TMEM266: variants seen among roughly 807,000 people sequenced by gnomAD.
TMEM266 encodes Hv1 related protein 1.
A neutral mutation model predicts 50.5 loss-of-function variants in TMEM266; 33 were observed. The ratio of observed to expected loss-of-function variants is 0.65; its 90% CI spans 0.50 to 0.87. The LOEUF is 0.87. Ranked by LOEUF, TMEM266 falls within the 40% of genes least tolerant of loss-of-function variation. TMEM266 has a pLI of 0.00. For synonymous variants in TMEM266, 310 were observed against 292.3 expected (o/e 1.06, Z -0.62); for missense variants, 655 against 695.1 (o/e 0.94, Z 0.65).
rs1405727907 is a variant in TMEM266, at chr15:76,153,969, TC to T, written c.228-2632del. On this transcript the variant is annotated intron_variant, in intron 3 of 10. Transcript: ENST00000388942. The surrounding 1 kb of genome is among the most constrained non-coding windows in gnomAD (Gnocchi z 4.2). ...TGAGCACCTGGCTTCCCTGGCCAGG[TC>T]CCTCCCTCCTGCCCCTTCGGGACAG... 6.6e-6 allele frequency among the ~76,000 whole-genome samples: 1 copy of T among 152,144 alleles called. No individual in the cohort carries two copies. Among genetic ancestry groups the T allele is most frequent in the African/African-American group, 2.4e-5 (1 of 41,426 alleles).
At chr15:76,125,290 T>G (rs2037403728) in intron 1 of TMEM266, among the ~76,000 whole-genome samples, 1 of 152,016 alleles carries the variant, frequency 6.6e-6, no homozygotes, top group African/African-American at 2.4e-5. Flanking sequence ...CAAGCAGGAA[T>G]GACGTCAAAT....
intron 10 of TMEM266, 143 bp from the exon 11 acceptor site, chr15:76,203,598 A>G (rs1272333165): frequency 4.1e-6 from 3 of 733,308 alleles, no homozygotes; most frequent in Non-Finnish European, 6.9e-6. Flanking sequence ...AGGGAGTTCT[A>G]CCAAGGCCTC....
chr15:76,151,121 C>T (rs975629788), intron 3 of TMEM266, among the ~76,000 whole-genome samples: 1 of 152,188 alleles, frequency 6.6e-6, no homozygotes, highest in African/African-American at 2.4e-5. Flanking sequence ...CATTGGGAAA[C>T]GCCTGCCCTC....
rs201055855 is a variant in TMEM266, at chr15:76,171,146, G to T, written c.652+15G>T. The T allele has an allele frequency of 2.5e-6, 4 of 1,612,724 alleles. No individual in the cohort carries two copies. Among genetic ancestry groups the T allele is most frequent in the Admixed American group, 3.3e-5 (2 of 59,906 alleles). On this transcript the variant is annotated intron_variant, in intron 7 of 10. Transcript: ENST00000388942. ...GGTCATTGATGGTGAGTGGCCCGAG[G>T]GGGGTGTGGTCAGTGGGGCTGCTCC...
intron 1 of TMEM266, among the ~76,000 whole-genome samples, chr15:76,110,877 T>C (rs1285826703): frequency 6.6e-6 from 1 of 152,146 alleles, no homozygotes. Context: ...AATAAGCATA[T>C]GAAAAGATCT....
chr15:76,180,607 CTTTTTTTTT>C (rs59287886), intron 8 of TMEM266, among the ~76,000 whole-genome samples: 15 of 63,180 alleles, frequency 2.4e-4, no homozygotes, highest in South Asian at 1.8e-3. Context: ...TCATCTTAAG[CTTTTTTTTT>C]TTTTTTTTTT....
Position 76,133,859 on chromosome 15 carries a change from G to A in TMEM266, c.-96-309G>A, listed in dbSNP as rs537221766. ...TGCAGTATAAAGGGATGCTGTTTTG[G>A]GGGGCACAGCAGTTTAGTGGGAAGA... On this transcript the variant is annotated intron_variant, in intron 1 of 10. Transcript: ENST00000388942. 2.0e-5 allele frequency among the ~76,000 whole-genome samples: 3 copies of A among 152,262 alleles called. No homozygotes were observed. In the South Asian group the frequency reaches 6.2e-4, roughly 32 times the overall value.
intron 8 of TMEM266, among the ~76,000 whole-genome samples, chr15:76,186,649 C>T (rs1028227891): frequency 1.3e-5 from 2 of 152,222 alleles, no homozygotes; most frequent in South Asian, 2.1e-4. Flanking sequence ...TCTCCACCTT[C>T]GTCCCTACCT....
At chr15:76,095,027 G>T (rs1379309173) in intron 1 of TMEM266, among the ~76,000 whole-genome samples, 2 of 151,994 alleles carry the variant, frequency 1.3e-5, no homozygotes, top group Non-Finnish European at 2.9e-5. Flanking sequence ...AGACAACAGG[G>T]TTTTCTAACT....
chr15:76,162,980 G>A (rs1425248600), intron 5 of TMEM266, among the ~76,000 whole-genome samples: 6 of 152,220 alleles, frequency 3.9e-5, no homozygotes, highest in African/African-American at 7.2e-5. Flanking sequence ...TCACCCCACC[G>A]GGGCTCCTGC....
At position 76,168,318 on chromosome 15, in the gene TMEM266, T is replaced by G. The variant is rs2038129661; in HGVS notation, c.457-1498T>G. Among the ~76,000 whole-genome samples, 1 of 152,238 alleles carries G rather than the reference T, an allele frequency of 6.6e-6. No individual in the cohort carries two copies. The highest frequency in any genetic ancestry group is 2.4e-5 in the African/African-American group (1 of 41,466). On this transcript the variant is annotated intron_variant, in intron 5 of 10. Transcript: ENST00000388942. The surrounding 1 kb of genome is among the most constrained non-coding windows in gnomAD (Gnocchi z 4.4). ...CCACAAGCATTCACCTTCCCATCCC[T>G]TCACAGAAATCAAGATTGTCCTTCA... is the stretch of plus-strand genomic sequence containing the variant.
intron 1 of TMEM266, among the ~76,000 whole-genome samples, chr15:76,120,758 C>CAAAAAAAAAAAAAAAAAAAAAAAAA (rs60694791): frequency 1.7e-5 from 1 of 57,952 alleles, no homozygotes; most frequent in Non-Finnish European, 3.4e-5. Flanking sequence ...AAGACTGTCT[C>CAAAAAAAAAAAAAAAAAAAAAAAAA]AAAAAAAAAA....
chr15:76,172,313 T>C (rs560101140), intron 7 of TMEM266, among the ~76,000 whole-genome samples: 1 of 152,342 alleles, frequency 6.6e-6, no homozygotes, highest in East Asian at 1.9e-4. Context: ...TCCCTTGCCC[T>C]CTGAGGCACC....
intron 9 of TMEM266, among the ~76,000 whole-genome samples, chr15:76,196,005 C>T (rs1380207317): frequency 2.6e-5 from 4 of 152,142 alleles, no homozygotes; most frequent in African/African-American, 9.7e-5. Context: ...AGGAGGGAGG[C>T]AGGGGCAGAA....
chr15:76,198,239 G>A (rs2038685232), intron 9 of TMEM266, among the ~76,000 whole-genome samples: 1 of 152,202 alleles, frequency 6.6e-6, no homozygotes, highest in Non-Finnish European at 1.5e-5. Context: ...GCAGAGCCGG[G>A]TTGGCCCTGG....
chr15:76,067,402 G>A (rs2036444390), intron 1 of TMEM266, among the ~76,000 whole-genome samples: 1 of 151,966 alleles, frequency 6.6e-6, no homozygotes, highest in Non-Finnish European at 1.5e-5. Flanking sequence ...CAGCACTTTG[G>A]GAGGCCAAGG....
intron 1 of TMEM266, among the ~76,000 whole-genome samples, chr15:76,067,302 C>T (rs1460644494): frequency 6.6e-6 from 1 of 152,072 alleles, no homozygotes; most frequent in Non-Finnish European, 1.5e-5. Context: ...CTTCTTACTC[C>T]TGAAGGCCTC....
chr15:76,154,785 T>C (rs968644020), intron 3 of TMEM266, among the ~76,000 whole-genome samples: 13 of 152,194 alleles, frequency 8.5e-5, no homozygotes, highest in African/African-American at 2.9e-4. Context: ...CAGAATGATG[T>C]GAATAAGCCC....
At chr15:76,196,681 C>T (rs1260267885) in intron 9 of TMEM266, among the ~76,000 whole-genome samples, 1 of 152,034 alleles carries the variant, frequency 6.6e-6, no homozygotes, top group Non-Finnish European at 1.5e-5. Context: ...GTCACAGAGC[C>T]TCGGGAGGGC....
Sources: allele counts gnomAD v4.1 joint callset (sites outside exome capture counted in the v4.1 genomes callset), GRCh38; gene constraint gnomAD v4.1.1; non-coding constraint Gnocchi (gnomAD v3.1); transcripts MANE v1.5; gene names NCBI Gene and HGNC (gene_info 2026-07-23, HGNC 2026-07-21).